The following SPOCK3 variants were observed in gnomAD, a reference collection of about 807,000 sequenced individuals.
The protein encoded by SPOCK3 is testican-3.
SPOCK3 carries 30 observed loss-of-function variants against 56.6 expected under a neutral mutation model. The ratio of observed to expected loss-of-function variants is 0.53; its 90% CI spans 0.40 to 0.72. The LOEUF (loss-of-function observed/expected upper bound fraction) is 0.72. Ranked by LOEUF, SPOCK3 falls within the 30% of genes least tolerant of loss-of-function variation. The probability of loss-of-function intolerance (pLI) is 0.00; values close to 1 mark genes in which losing one functional copy is unlikely to be tolerated. For synonymous variants in SPOCK3, 196 were observed against 183.3 expected (o/e 1.07, Z -0.56); for missense variants, 527 against 530.0 (o/e 0.99, Z 0.06).
At chr4:166,896,984 T>C (rs866006010) in intron 5 of SPOCK3, among the ~76,000 whole-genome samples, 9 of 152,130 alleles carry the variant, frequency 5.9e-5, no homozygotes, top group African/African-American at 1.9e-4. Context: ...AGATTAACTT[T>C]TTTTTCCCCC....
At chr4:166,985,802 C>A (rs1250236758) in intron 4 of SPOCK3, among the ~76,000 whole-genome samples, 1 of 152,106 alleles carries the variant, frequency 6.6e-6, no homozygotes, top group Non-Finnish European at 1.5e-5. Context: ...AGTAGATAAG[C>A]AGATACTGCT....
chr4:167,074,432 T>G (rs1756986108), intron 2 of SPOCK3, among the ~76,000 whole-genome samples: 1 of 151,930 alleles, frequency 6.6e-6, no homozygotes, highest in Admixed American at 6.6e-5. Flanking sequence ...GGGCAGGATT[T>G]GTTCCTTGCT....
At chr4:166,832,128 C>G (rs1461461418) in intron 6 of SPOCK3, among the ~76,000 whole-genome samples, 1 of 151,880 alleles carries the variant, frequency 6.6e-6, no homozygotes, top group Non-Finnish European at 1.5e-5. Flanking sequence ...GTTGTAATTG[C>G]TTTGGAGAAC....
At chr4:167,160,717 A>G (rs540157044) in intron 2 of SPOCK3, among the ~76,000 whole-genome samples, 181 of 152,272 alleles carry the variant, frequency 1.2e-3, no homozygotes, top group Non-Finnish European at 2.0e-3. Context: ...AACAGAACAG[A>G]GCCCTCAGAA....
chr4:166,953,139 G>T (rs1288798432), intron 4 of SPOCK3, among the ~76,000 whole-genome samples: 1 of 151,466 alleles, frequency 6.6e-6, no homozygotes, highest in East Asian at 1.9e-4. Context: ...CCATCAGAGT[G>T]AACAGGCAAC....
intron 2 of SPOCK3, among the ~76,000 whole-genome samples, chr4:167,116,845 T>G (rs1380220283): frequency 2.1e-5 from 3 of 141,422 alleles, no homozygotes; most frequent in Non-Finnish European, 3.0e-5. Flanking sequence ...ATATATACTT[T>G]TATATATATA....
At chr4:167,082,967 T>C (rs1444675444) in intron 2 of SPOCK3, among the ~76,000 whole-genome samples, 1 of 151,974 alleles carries the variant, frequency 6.6e-6, no homozygotes, top group African/African-American at 2.4e-5. Flanking sequence ...CTCAGGCCCA[T>C]TGTGATTTTA....
chr4:166,957,224 C>T (rs1038845992), intron 4 of SPOCK3, among the ~76,000 whole-genome samples: 1 of 152,182 alleles, frequency 6.6e-6, no homozygotes, highest in African/African-American at 2.4e-5. Context: ...TGCACTCCCG[C>T]ATGGGTGACA....
At chr4:167,068,072 TA>T (rs1348490565) in intron 2 of SPOCK3, among the ~76,000 whole-genome samples, 1 of 140,546 alleles carries the variant, frequency 7.1e-6, no homozygotes, top group Non-Finnish European at 1.6e-5. Flanking sequence ...GATGAAAAAA[TA>T]AAAATTTAAT....
intron 3 of SPOCK3, among the ~76,000 whole-genome samples, chr4:167,061,866 G>T (rs1276055285): frequency 6.6e-6 from 1 of 151,818 alleles, no homozygotes; most frequent in Non-Finnish European, 1.5e-5. Context: ...AATCTCTTTA[G>T]TCATTTATGT....
At chr4:167,002,255 G>A (rs1244870583) in intron 3 of SPOCK3, among the ~76,000 whole-genome samples, 1 of 151,878 alleles carries the variant, frequency 6.6e-6, no homozygotes, top group Non-Finnish European at 1.5e-5. Flanking sequence ...CACTGCCCTC[G>A]GCCTGATAAT....
chr4:166,890,591 A>G (rs906127853), intron 5 of SPOCK3, among the ~76,000 whole-genome samples: 1 of 151,984 alleles, frequency 6.6e-6, no homozygotes, highest in Admixed American at 6.6e-5. Flanking sequence ...TCCTGGTAGA[A>G]TTTTAAGCCT....
At chr4:167,000,738 C>A (rs1471191779) in intron 3 of SPOCK3, among the ~76,000 whole-genome samples, 2 of 152,210 alleles carry the variant, frequency 1.3e-5, no homozygotes, top group East Asian at 1.9e-4. Context: ...AAGACTCAAA[C>A]TCTCTGTAGT....
At position 166,996,657 on chromosome 4, in the gene SPOCK3, C is replaced by A. The variant is rs1264605371; in HGVS notation, c.350+3692G>T. 2.6e-5 allele frequency among the ~76,000 whole-genome samples: 4 copies of A among 152,174 alleles called. No individual in the cohort carries two copies. In the South Asian group the frequency reaches 8.3e-4, roughly 32 times the overall value. On this transcript the variant is annotated intron_variant, in intron 4 of 10. Coordinates refer to ENST00000357545, the MANE Select transcript of SPOCK3 (RefSeq NM_001040159.2). ...AATGATAAAGGTAACAGAAAGTTAG[C>A]ACAATGACAAAGATATCACCTGCTC...
intron 4 of SPOCK3, among the ~76,000 whole-genome samples, chr4:166,965,957 G>A (rs759188061): frequency 2.2e-4 from 34 of 152,044 alleles, no homozygotes; most frequent in Admixed American, 4.6e-4. Flanking sequence ...GTATCACAAA[G>A]AATAGTTTCA....
intron 4 of SPOCK3, among the ~76,000 whole-genome samples, chr4:166,972,557 G>A (rs1745503211): frequency 6.6e-6 from 1 of 150,978 alleles, no homozygotes; most frequent in Non-Finnish European, 1.5e-5. Flanking sequence ...TAGCTCTTAA[G>A]ATTATTAAAA....
intron 2 of SPOCK3, among the ~76,000 whole-genome samples, chr4:167,185,001 A>G (rs984724942): frequency 6.6e-6 from 1 of 152,212 alleles, no homozygotes; most frequent in African/African-American, 2.4e-5. Context: ...TTTCAAACAA[A>G]CAAGTTGGTT....
At chr4:167,099,681 G>C (rs985199373) in intron 2 of SPOCK3, among the ~76,000 whole-genome samples, 1 of 151,982 alleles carries the variant, frequency 6.6e-6, no homozygotes, top group Non-Finnish European at 1.5e-5. Flanking sequence ...AGGTACATAA[G>C]CAGTAGTTAT....
At chr4:166,895,261 G>A (rs372207767) in intron 5 of SPOCK3, among the ~76,000 whole-genome samples, 27 of 151,652 alleles carry the variant, frequency 1.8e-4, no homozygotes, top group African/African-American at 6.3e-4. Flanking sequence ...TATATAATAC[G>A]AGATTTGCCA....
Sources: allele counts gnomAD v4.1 joint callset (sites outside exome capture counted in the v4.1 genomes callset), GRCh38; gene constraint gnomAD v4.1.1; transcripts MANE v1.5; gene names NCBI Gene and HGNC (gene_info 2026-07-23, HGNC 2026-07-21).